Variants in ABCD3 observed in about 807,000 individuals in gnomAD.
ABCD3 encodes the protein ATP binding cassette subfamily D member 3.
Under a neutral mutation model 105.5 loss-of-function variants are expected in ABCD3, and 41 were observed. That is an observed-to-expected ratio of 0.39 (90% CI 0.30 to 0.50). ABCD3 has a LOEUF of 0.50. ABCD3 is among the 20% of genes least tolerant of loss of function. The pLI is 0.84. For missense variants in ABCD3, 622 were observed against 806.3 expected (o/e 0.77, Z 2.77); for synonymous variants, 258 against 269.0 (o/e 0.96, Z 0.40).
At chr1:94,386,726 T>C in the ABCD3 span, among the ~76,000 whole-genome samples, 1 of 152,212 alleles carries the variant, frequency 6.6e-6, no homozygotes. Context: ...GAGTATTTGA[T>C]GACTAAAAAA....
chr1:94,498,755 G>C, intron 17 of ABCD3, 28 bp from the exon 18 acceptor site: 1 of 1,613,290 alleles, frequency 6.2e-7, no homozygotes, highest in Non-Finnish European at 8.5e-7. Flanking sequence ...TTTTACAATT[G>C]TTCTTCTCCC....
At chr1:94,476,372 CT>C (rs1648741037) in intron 7 of ABCD3, among the ~76,000 whole-genome samples, 1 of 152,138 alleles carries the variant, frequency 6.6e-6, no homozygotes, top group African/African-American at 2.4e-5. Flanking sequence ...ATTAAACCCT[CT>C]TCTTTGCCAT....
rs545201324 is a variant in ABCD3, at chr1:94,489,126, G to A, written c.1158-599G>A. Among the ~76,000 whole-genome samples the A allele has an allele frequency of 1.2e-4, 18 of 152,074 alleles. No homozygotes were observed. In the East Asian group the frequency reaches 3.5e-3, roughly 29 times the overall value. On this transcript the variant is annotated intron_variant, in intron 13 of 22. Coordinates refer to ENST00000370214, the MANE Select transcript of ABCD3 (RefSeq NM_002858.4). ...CGATGCAGAATACTTTCTCTTTGGC[G>A]ATCATGGTCATTTTTGTTATCTCCA... is the stretch of plus-strand genomic sequence containing the variant.
intron 4 of ABCD3, 44 bp from the exon 5 acceptor site, chr1:94,473,722 T>G: frequency 1.4e-6 from 2 of 1,461,570 alleles, no homozygotes; most frequent in Non-Finnish European, 1.9e-6. Flanking sequence ...AGTGTTAGAT[T>G]TTGCTTCTTT....
intron 1 of ABCD3, chr1:94,455,674 A>C: frequency 2.2e-6 from 1 of 457,670 alleles, no homozygotes; most frequent in Non-Finnish European, 4.2e-6. Context: ...ACTTATATGT[A>C]GATTATGTGT....
intron 2 of ABCD3, among the ~76,000 whole-genome samples, chr1:94,459,154 C>T (rs567086647): frequency 6.6e-6 from 1 of 151,974 alleles, no homozygotes; most frequent in East Asian, 1.9e-4. Context: ...TCTAAGGATC[C>T]TCCTACCTCA....
At chr1:94,473,302 T>C (rs1160897501) in intron 4 of ABCD3, among the ~76,000 whole-genome samples, 3 of 152,134 alleles carry the variant, frequency 2.0e-5, no homozygotes, top group African/African-American at 7.2e-5. Flanking sequence ...GCCTAAAATA[T>C]TTACTCTTGA....
At chr1:94,452,568 A>G (rs371811693) in intron 1 of ABCD3, among the ~76,000 whole-genome samples, 37 of 152,334 alleles carry the variant, frequency 2.4e-4, no homozygotes, top group African/African-American at 8.9e-4. Flanking sequence ...TTATGTACAT[A>G]TTTATTTTTA....
At chr1:94,413,336 C>G in the ABCD3 span, among the ~76,000 whole-genome samples, 2 of 151,886 alleles carry the variant, frequency 1.3e-5, no homozygotes, top group Non-Finnish European at 2.9e-5. Flanking sequence ...AGATTTGGCT[C>G]TTTCCCTCAT....
intron 21 of ABCD3, chr1:94,513,577 A>T (rs1035145597): frequency 2.6e-5 from 4 of 152,118 alleles, no homozygotes; most frequent in Non-Finnish European, 5.9e-5. Flanking sequence ...ACTTAAATAC[A>T]GTTTCAAATT....
intron 13 of ABCD3, among the ~76,000 whole-genome samples, chr1:94,489,072 T>G (rs1649407191): frequency 6.6e-6 from 1 of 152,134 alleles, no homozygotes; most frequent in African/African-American, 2.4e-5. Flanking sequence ...TTCTGCTTTT[T>G]ATTCAGAGAA....
chr1:94,464,794 G>A lies in ABCD3; in HGVS notation c.167G>A (p.Arg56Gln), dbSNP rs755005574. 7.4e-6 allele frequency: 12 copies of A among 1,613,620 alleles called. No homozygotes were observed. The highest frequency in any genetic ancestry group is 4.4e-5 in the South Asian group (4 of 91,052). The change falls in exon 3 of 23, where the codon CGA becomes CAA. Residue 56 changes from arginine (R) to glutamine (Q), a missense_variant. Arg to Gln is a conservative substitution (Grantham distance 43). Transcript: ENST00000370214. ...ATGCAGAAAGAGGGGAAAAAGGAGCGAGCTGTGGTGGACAAGGTGTTTTTC... is the reference window on the plus strand; with the variant it reads ...ATGCAGAAAGAGGGGAAAAAGGAGCAAGCTGTGGTGGACAAGGTGTTTTTC... ...QNNEKEGKKE[R>Q]AVVDKVFFSR...
At chr1:94,444,331 C>CAA (rs35583952) in intron 1 of ABCD3, among the ~76,000 whole-genome samples, 2,516 of 93,036 alleles carry the variant, frequency 0.027, 71 homozygotes, top group Non-Finnish European at 0.03. Context: ...GACTCCATCT[C>CAA]AAAAAAAAAA....
At chr1:94,488,544 T>C (rs1366985998) in intron 13 of ABCD3, among the ~76,000 whole-genome samples, 2 of 152,098 alleles carry the variant, frequency 1.3e-5, no homozygotes, top group African/African-American at 4.8e-5. Context: ...GGGCATGGTA[T>C]GGTGTAAAAA....
intron 8 of ABCD3, 117 bp downstream of exon 8, chr1:94,478,432 CAT>C: frequency 8.7e-7 from 1 of 1,149,910 alleles, no homozygotes; most frequent in Non-Finnish European, 1.3e-6. Context: ...TGTATTTTCA[CAT>C]GATTTACCTA....
intron 22 of ABCD3, 92 bp from the exon 23 acceptor site, chr1:94,516,960 A>T (rs1650947343): frequency 1.1e-6 from 1 of 918,844 alleles, no homozygotes; most frequent in African/African-American, 1.6e-5. Context: ...GCTCCCTTAA[A>T]ATAATGAGGA....
chr1:94,499,777 A>C (rs559389862), intron 20 of ABCD3, among the ~76,000 whole-genome samples, 163 bp downstream of exon 20: 2 of 152,214 alleles, frequency 1.3e-5, no homozygotes, highest in South Asian at 4.1e-4. Flanking sequence ...ACTTGCATGT[A>C]AATTTGGAAT....
At chr1:94,478,649 G>A (rs1648884645) in intron 8 of ABCD3, 3 of 997,928 alleles carry the variant, frequency 3.0e-6, no homozygotes, top group Non-Finnish European at 4.3e-6. Flanking sequence ...CCAGGAGTTC[G>A]AGACAAGCCT....
the ABCD3 span, among the ~76,000 whole-genome samples, chr1:94,385,496 G>A: frequency 6.6e-6 from 1 of 152,168 alleles, no homozygotes; most frequent in Non-Finnish European, 1.5e-5. Context: ...CCATGCTGTT[G>A]CACAGAGCAC....
Sources: allele counts gnomAD v4.1 joint callset (sites outside exome capture counted in the v4.1 genomes callset), GRCh38; gene constraint gnomAD v4.1.1; transcripts MANE v1.5; gene names NCBI Gene and HGNC (gene_info 2026-07-23, HGNC 2026-07-21).